Variants in CD300LB observed in about 807,000 individuals in gnomAD.
The protein encoded by CD300LB is CD300 molecule like family member b.
A neutral mutation model predicts 20.8 loss-of-function variants in CD300LB; 18 were observed. That is an observed-to-expected ratio of 0.87 (90% CI 0.60 to 1.28). The LOEUF (loss-of-function observed/expected upper bound fraction) is 1.28. Ranked by LOEUF, CD300LB falls within the 50% of genes most tolerant of loss-of-function variation. The probability of loss-of-function intolerance (pLI) is 0.00; values close to 1 mark genes in which losing one functional copy is unlikely to be tolerated. For synonymous variants in CD300LB, 91 were observed against 91.3 expected (o/e 1.00, Z 0.02); for missense variants, 222 against 251.8 (o/e 0.88, Z 0.80).
intron 1 of CD300LB, among the ~76,000 whole-genome samples, chr17:74,530,813 A>ATT (rs144890805): frequency 7.9e-4 from 118 of 149,644 alleles, no homozygotes; most frequent in Middle Eastern, 3.4e-3. Flanking sequence ...TTTTTACTTT[A>ATT]TTTTTTTTTT....
At chr17:74,524,608 T>C (rs73354339) in intron 2 of CD300LB, among the ~76,000 whole-genome samples, 3,831 of 151,842 alleles carry the variant, frequency 0.025, 76 homozygotes, top group Non-Finnish European at 0.039. Flanking sequence ...CAAAACAAAA[T>C]AAAACAAAAC....
intron 2 of CD300LB, among the ~76,000 whole-genome samples, chr17:74,524,489 G>A (rs2143066409): frequency 6.6e-6 from 1 of 152,300 alleles, no homozygotes; most frequent in East Asian, 1.9e-4. Context: ...TCAGGAAGCT[G>A]AAGTGGAAGG....
Position 74,522,800 on chromosome 17 carries a change from G to T in CD300LB, c.544C>A (p.Pro182Thr). ...LKGSQRVPEE[P>T]GEQPIYMNFS... ...TTCATGTAGATAGGCTGTTCCCCTG[G>T]CTCCTCAGGGACCCTCTGAGACCCC... Residue 182 changes from proline to threonine, a missense_variant, in exon 4 of 4, where the codon CCA (proline) becomes ACA (threonine). Pro to Thr is a conservative substitution (Grantham distance 38). Transcript: ENST00000392621. 6.2e-7 allele frequency: 1 copy of T among 1,614,162 alleles called. No individual in the cohort carries two copies. The highest frequency in any genetic ancestry group is 8.5e-7 in the Non-Finnish European group (1 of 1,180,020).
At chr17:74,528,750 T>C (rs889805792) in intron 1 of CD300LB, among the ~76,000 whole-genome samples, 3 of 152,194 alleles carry the variant, frequency 2.0e-5, no homozygotes, top group African/African-American at 7.2e-5. Context: ...TGGGAAACCC[T>C]GGCAGAGTTG....
At chr17:74,531,053 C>A (rs1715984296) in intron 1 of CD300LB, among the ~76,000 whole-genome samples, 1 of 152,220 alleles carries the variant, frequency 6.6e-6, no homozygotes, top group East Asian at 1.9e-4. Flanking sequence ...AATCCTCCCA[C>A]CTTGGCCTCC....
Position 74,531,326 on chromosome 17 carries a change from G to A in CD300LB, c.25C>T (p.Leu9Phe), listed in dbSNP as rs1409718703. ...CCCCACTCACCTGAGAGGCTGAGAA[G>A]GAGCAGAGCAGGGGGCAGCCACATG... is the stretch of plus-strand genomic sequence containing the variant. MWLPPALL[L>F]LSLSGCFSIQ... The change falls in exon 1 of 4, where the codon CTT (leucine) becomes TTT (phenylalanine). Residue 9 changes from leucine to phenylalanine, a missense_variant. Physicochemically the swap from Leu to Phe is conservative, Grantham distance 22 (BLOSUM62 0). Transcript: ENST00000392621. The A allele has an allele frequency of 1.1e-5, 17 of 1,596,974 alleles. No individual in the cohort carries two copies. Among genetic ancestry groups the A allele is most frequent in the Admixed American group, 1.7e-5 (1 of 57,280 alleles).
In CD300LB at chr17:74,531,294, G is replaced by A; in HGVS notation, c.40+17C>T. ...GCCCCTGTCATACCAAGCGCCCAAGGCCCCAGCCCCACTCACCTGAGAGGC... is the reference window on the plus strand; with the variant it reads ...GCCCCTGTCATACCAAGCGCCCAAGACCCCAGCCCCACTCACCTGAGAGGC... On this transcript the variant is annotated intron_variant, in intron 1 of 3. Coordinates refer to ENST00000392621, the MANE Select transcript of CD300LB (RefSeq NM_174892.4). The A allele has an allele frequency of 1.3e-6, 2 of 1,547,774 alleles. No individual in the cohort carries two copies. The highest frequency in any genetic ancestry group is 1.7e-6 in the Non-Finnish European group (2 of 1,148,200).
rs1233918330 is a variant in CD300LB, at chr17:74,522,866, G to C, written c.478C>G (p.Pro160Ala). The change falls in exon 4 of 4, where the codon CCC (proline) becomes GCC (alanine). Residue 160 changes from proline (P) to alanine (A), a missense_variant. Coordinates refer to ENST00000392621, the MANE Select transcript of CD300LB (RefSeq NM_174892.4). ...HYMLLVFVKV[P>A]ILLILVTAIL... ...GCAGTGACCAAGATGAGCAAGATGG[G>C]CACCTTCACAAATACCAGGAGCATG... 6.2e-7 allele frequency: 1 copy of C among 1,613,908 alleles called. No homozygotes were observed. The highest frequency in any genetic ancestry group is 1.3e-5 in the African/African-American group (1 of 74,882).
At chr17:74,527,085 T>C (rs10512596) in intron 1 of CD300LB, among the ~76,000 whole-genome samples, 80,660 of 152,162 alleles carry the variant, frequency 0.53, 21,959 homozygotes, top group Middle Eastern at 0.68. Flanking sequence ...CGTTGCAGAA[T>C]TGAATGCACT....
At chr17:74,527,847 A>G (rs1378303654) in intron 1 of CD300LB, among the ~76,000 whole-genome samples, 2 of 152,220 alleles carry the variant, frequency 1.3e-5, no homozygotes, top group Non-Finnish European at 2.9e-5. Context: ...GCCTGTTAGG[A>G]ACCGGACCTT....
rs756799624 is a variant in CD300LB, at chr17:74,522,858, C to A, written c.486G>T (p.Leu162Phe). The A allele has an allele frequency of 1.7e-5, 28 of 1,614,070 alleles. No homozygotes were observed. Among genetic ancestry groups the A allele is most frequent in the Non-Finnish European group, 2.2e-5 (26 of 1,180,020 alleles). The change falls in exon 4 of 4, where the codon TTG becomes TTT. Residue 162 changes from leucine to phenylalanine, a missense_variant. Coordinates refer to ENST00000392621, the MANE Select transcript of CD300LB (RefSeq NM_174892.4). ...MLLVFVKVPI[L>F]LILVTAILWL... ...AGAGGATGGCAGTGACCAAGATGAG[C>A]AAGATGGGCACCTTCACAAATACCA...
Position 74,522,599 on chromosome 17 carries a change from ACC to A in CD300LB, c.*137_*138del. The A allele has an allele frequency of 6.8e-7, 1 of 1,479,484 alleles. No homozygotes were observed. Among genetic ancestry groups the A allele is most frequent in the South Asian group, 1.4e-5 (1 of 73,038 alleles). The allele number at this position is 1,479,484 out of a possible 1,614,324, so 91.6% of individuals were successfully genotyped here. A position where few individuals can be genotyped will look rare whatever the true frequency, so the allele number is the denominator to read the frequency against. On this transcript the variant is annotated 3_prime_UTR_variant, in exon 4 of 4. Transcript: ENST00000392621. ...AGCTGTGCAGAACAGGGAGGTGCCC[ACC>A]AGCTCCAAGGCCAGGGCGGAGGCCC... is the stretch of plus-strand genomic sequence containing the variant.
Position 74,525,916 on chromosome 17 carries a change from C to T in CD300LB, c.202G>A (p.Glu68Lys). The change falls in exon 2 of 4, where the codon GAG becomes AAG. Residue 68 changes from glutamate (E) to lysine (K), a missense_variant. Coordinates refer to ENST00000392621, the MANE Select transcript of CD300LB (RefSeq NM_174892.4). ...CKILIETRGS[E>K]QGEKSDRVSI... ...ACACGGTCACTCTTCTCTCCTTGCT[C>T]CGACCCTCTGGTTTCAATGAGGATC... The T allele has an allele frequency of 1.2e-6, 2 of 1,614,126 alleles. No homozygotes were observed. Among genetic ancestry groups the T allele is most frequent in the Non-Finnish European group, 1.7e-6 (2 of 1,180,028 alleles).
In CD300LB at chr17:74,525,992, C is replaced by T. The variant is rs1168064632; in HGVS notation, c.126G>A (p.Trp42Ter). The change falls in exon 2 of 4, where the codon TGG (tryptophan) becomes TGA (stop). Residue 42 changes from tryptophan (W) to a stop codon, truncating the protein, a stop_gained. Coordinates refer to ENST00000392621, the MANE Select transcript of CD300LB (RefSeq NM_174892.4). LOFTEE classifies it high-confidence loss of function. ...GGCACCACCACTTAATGTAGGTCTC[C>T]CATCCTTGCTTATAGTGGCATTGAA... is the stretch of plus-strand genomic sequence containing the variant. ...LTVQCHYKQG[W>*]ETYIKWWCRG... 1.2e-6 allele frequency: 2 copies of T among 1,614,154 alleles called. No homozygotes were observed. The highest frequency in any genetic ancestry group is 1.1e-5 in the South Asian group (1 of 91,086).
chr17:74,527,307 A>G (rs955146355), intron 1 of CD300LB, among the ~76,000 whole-genome samples: 3 of 152,228 alleles, frequency 2.0e-5, no homozygotes, highest in Non-Finnish European at 4.4e-5. Flanking sequence ...ATCACGCAGA[A>G]GTGGATAAAC....
Position 74,521,501 on chromosome 17 carries a change from G to A in CD300LB, c.*1237C>T. 1.0e-6 allele frequency: 1 copy of A among 985,444 alleles called. No homozygotes were observed. Among genetic ancestry groups the A allele is most frequent in the Non-Finnish European group, 1.2e-6 (1 of 829,954 alleles). 61.0% of individuals were successfully genotyped at this position (985,444 alleles called of 1,614,324 possible). On this transcript the variant is annotated 3_prime_UTR_variant, in exon 4 of 4. Transcript: ENST00000392621. Reference sequence around the variant, plus strand: ...TATGGAATTTTCAGGCCCATCATTGGCCAGAGACCTAAATTCAGTTCAAAG... The same window carrying A: ...TATGGAATTTTCAGGCCCATCATTGACCAGAGACCTAAATTCAGTTCAAAG...
intron 3 of CD300LB, chr17:74,523,264 G>C: frequency 3.8e-6 from 2 of 521,164 alleles, no homozygotes; most frequent in Non-Finnish European, 7.0e-6. Flanking sequence ...TGTGTCCCTT[G>C]ATGTCTTGCA....
Position 74,521,637 on chromosome 17 carries a change from C to A in CD300LB, c.*1101G>T. ...TATCCACTGCTGACAGTCAGTACTC[C>A]CTATTAGAACCAAGAGCAGGTTGGA... On this transcript the variant is annotated 3_prime_UTR_variant, in exon 4 of 4. Transcript: ENST00000392621. 1.0e-6 allele frequency: 1 copy of A among 985,416 alleles called. No homozygotes were observed. The highest frequency in any genetic ancestry group is 4.7e-5 in the South Asian group (1 of 21,276). The allele number at this position is 985,416 out of a possible 1,614,324, so 61.0% of individuals were successfully genotyped here. A position where few individuals can be genotyped will look rare whatever the true frequency, so the allele number is the denominator to read the frequency against.
At chr17:74,530,240 T>C (rs1908162014) in intron 1 of CD300LB, among the ~76,000 whole-genome samples, 1 of 152,200 alleles carries the variant, frequency 6.6e-6, no homozygotes, top group Non-Finnish European at 1.5e-5. Context: ...CAGAAAACTG[T>C]GTGGCCCACA....
Sources: allele counts gnomAD v4.1 joint callset (sites outside exome capture counted in the v4.1 genomes callset), GRCh38; gene constraint gnomAD v4.1.1; transcripts MANE v1.5; gene names NCBI Gene and HGNC (gene_info 2026-07-23, HGNC 2026-07-21).